Variants in LINGO2 observed in about 807,000 individuals in gnomAD.
The protein encoded by LINGO2 is leucine-rich repeat and immunoglobulin-like domain-containing nogo receptor-interacting protein 2.
In LINGO2, 14 loss-of-function variants were observed where a neutral mutation model predicts 30.6. The ratio of observed to expected loss-of-function variants is 0.46; its 90% CI spans 0.30 to 0.72. The LOEUF (loss-of-function observed/expected upper bound fraction) is 0.72, where lower values mean the gene tolerates loss of function less well. Among genes scored for constraint, LINGO2 ranks in the 30% least tolerant of loss-of-function variants. LINGO2 has a pLI of 0.07. For missense variants in LINGO2, 729 were observed against 751.7 expected (o/e 0.97, Z 0.35); for synonymous variants, 317 against 288.5 (o/e 1.10, Z -1.00).
chr9:28,410,155 G>A (rs1440126638), intron 2 of LINGO2, among the ~76,000 whole-genome samples: 2 of 150,848 alleles, frequency 1.3e-5, no homozygotes, highest in Admixed American at 6.6e-5. Flanking sequence ...AAAGGAAAAA[G>A]TAACAGAGAA....
At chr9:28,231,463 T>A (rs10968396) in intron 4 of LINGO2, among the ~76,000 whole-genome samples, 2 of 152,028 alleles carry the variant, frequency 1.3e-5, no homozygotes, top group African/African-American at 2.4e-5. Context: ...ATTTAAGAAA[T>A]GTTTAATTTT....
At chr9:28,379,346 A>C (rs1821251163) in intron 2 of LINGO2, among the ~76,000 whole-genome samples, 1 of 152,068 alleles carries the variant, frequency 6.6e-6, no homozygotes, top group Non-Finnish European at 1.5e-5. Context: ...TGCTCAGTTT[A>C]ACTAATTTGA....
At chr9:28,750,381 A>G in the LINGO2 span, among the ~76,000 whole-genome samples, 6 of 152,266 alleles carry the variant, frequency 3.9e-5, no homozygotes, top group African/African-American at 1.2e-4. Context: ...CTTTGGTGGA[A>G]AGAGAAACAC....
At chr9:28,048,782 G>A (rs1350694115) in intron 4 of LINGO2, among the ~76,000 whole-genome samples, 3 of 150,526 alleles carry the variant, frequency 2.0e-5, no homozygotes, top group African/African-American at 4.9e-5. Context: ...TGATAATTAT[G>A]AAGGATATAT....
rs947069578 is a variant in LINGO2 at position 28,130,109 on chromosome 9, A to G, written c.-86-117704T>C. ...AGGTAAACTCTTGGGGATTTTGTCA[A>G]TTCTGACATTGATTCCCATGTGGAA... is the stretch of plus-strand genomic sequence containing the variant. On this transcript the variant is annotated intron_variant, in intron 4 of 5. Transcript: ENST00000379992. This position sits in a 1 kb window ranked among gnomAD's most constrained non-coding sequence, Gnocchi z 5.2. Among the ~76,000 whole-genome samples the G allele has an allele frequency of 2.0e-5, 3 of 152,208 alleles. No individual in the cohort carries two copies. Among genetic ancestry groups the G allele is most frequent in the Admixed American group, 6.5e-5 (1 of 15,278 alleles).
At chr9:28,753,505 C>T in the LINGO2 span, among the ~76,000 whole-genome samples, 5 of 152,092 alleles carry the variant, frequency 3.3e-5, 1 homozygote, top group South Asian at 4.1e-4. Flanking sequence ...TAATACCTTC[C>T]ACGGCAATTA....
At chr9:28,833,807 G>A in the LINGO2 span, among the ~76,000 whole-genome samples, 1 of 152,170 alleles carries the variant, frequency 6.6e-6, no homozygotes, top group Non-Finnish European at 1.5e-5. Flanking sequence ...CAAGGGTACT[G>A]ATAAGAAGGA....
chr9:28,510,995 C>A (rs1820361922), intron 1 of LINGO2, among the ~76,000 whole-genome samples: 1 of 151,720 alleles, frequency 6.6e-6, no homozygotes, highest in East Asian at 2.0e-4. Flanking sequence ...TGTTTTTTTG[C>A]CTCCTTTATG....
intron 2 of LINGO2, among the ~76,000 whole-genome samples, chr9:28,468,123 T>G (rs1352802065): frequency 6.6e-6 from 1 of 152,148 alleles, no homozygotes; most frequent in African/African-American, 2.4e-5. Context: ...GTATATCTGA[T>G]AGTCAAAAAT....
the LINGO2 span, among the ~76,000 whole-genome samples, chr9:28,696,247 C>T: frequency 6.6e-6 from 1 of 152,086 alleles, no homozygotes; most frequent in East Asian, 1.9e-4. Context: ...TTGCTGACTA[C>T]TTATTTCCCA....
At chr9:28,550,558 T>C (rs1444009346) in intron 1 of LINGO2, among the ~76,000 whole-genome samples, 1 of 151,872 alleles carries the variant, frequency 6.6e-6, no homozygotes, top group Non-Finnish European at 1.5e-5. Flanking sequence ...ATTTCAGTAA[T>C]TGTCAGGGTG....
chr9:28,706,043 A>G, the LINGO2 span, among the ~76,000 whole-genome samples: 1 of 152,112 alleles, frequency 6.6e-6, no homozygotes, highest in Non-Finnish European at 1.5e-5. Context: ...GACAATAAAA[A>G]TAATTTCTAA....
the LINGO2 span, among the ~76,000 whole-genome samples, chr9:28,941,515 T>C: frequency 3.9e-5 from 6 of 152,208 alleles, no homozygotes; most frequent in Non-Finnish European, 8.8e-5. Flanking sequence ...TAGGCAAAAA[T>C]GTATACATAT....
chr9:29,164,235 G>A, the LINGO2 span, among the ~76,000 whole-genome samples: 137 of 152,100 alleles, frequency 9.0e-4, 1 homozygote, highest in African/African-American at 3.0e-3. Flanking sequence ...CTTAGTTACC[G>A]CAGCCGAGGT....
At chr9:28,495,961 G>T (rs947850575) in intron 1 of LINGO2, among the ~76,000 whole-genome samples, 4 of 152,094 alleles carry the variant, frequency 2.6e-5, no homozygotes, top group Non-Finnish European at 5.9e-5. Context: ...CCATGTAGTT[G>T]AGTGGTTTTG....
At chr9:28,672,895 C>A (rs1000459319), upstream of LINGO2, among the ~76,000 whole-genome samples, 3 of 151,948 alleles carry the variant, frequency 2.0e-5, no homozygotes, top group Non-Finnish European at 4.4e-5. Context: ...ACAATTTTAA[C>A]TAAGACTCAA....
chr9:28,045,317 T>TAA, intron 4 of LINGO2, among the ~76,000 whole-genome samples: 1 of 151,464 alleles, frequency 6.6e-6, no homozygotes. Context: ...AGTTAAACTT[T>TAA]GAGTATTTTA....
chr9:28,998,368 A>T, the LINGO2 span, among the ~76,000 whole-genome samples: 2 of 152,282 alleles, frequency 1.3e-5, no homozygotes, highest in Non-Finnish European at 2.9e-5. Flanking sequence ...TTGAGATCTG[A>T]TTCAATGCCA....
chr9:28,459,912 T>G (rs193170069), intron 2 of LINGO2, among the ~76,000 whole-genome samples: 1 of 152,256 alleles, frequency 6.6e-6, no homozygotes, highest in East Asian at 1.9e-4. Context: ...ACATAATGCA[T>G]ATGTCCAATA....
Sources: gnomAD v4.1 joint callset for allele counts (sites outside exome capture counted in the v4.1 genomes callset) on GRCh38, gnomAD v4.1.1 for gene constraint, Gnocchi (gnomAD v3.1) non-coding constraint, MANE v1.5 for transcripts, NCBI Gene and HGNC (gene_info 2026-07-23, HGNC 2026-07-21) for gene names.